OTOF: variants seen among roughly 807,000 people sequenced by gnomAD.
OTOF encodes otoferlin, also known as fer-1-like family member 2.
Under a neutral mutation model 236.8 loss-of-function variants are expected in OTOF, and 218 were observed. The ratio of observed to expected loss-of-function variants is 0.92; its 90% CI spans 0.82 to 1.03. The LOEUF (loss-of-function observed/expected upper bound fraction) is 1.03, where lower values mean the gene tolerates loss of function less well. Among genes scored for constraint, OTOF ranks in the 50% least tolerant of loss-of-function variants. The probability of loss-of-function intolerance (pLI) is 0.00; values close to 1 mark genes in which losing one functional copy is unlikely to be tolerated. For synonymous variants in OTOF, 1,041 were observed against 1,072.5 expected (o/e 0.97, Z 0.57); for missense variants, 2,590 against 2,694.4 (o/e 0.96, Z 0.86).
chr2:26,540,044 G>T (rs895866975), intron 1 of OTOF, among the ~76,000 whole-genome samples: 2 of 151,976 alleles, frequency 1.3e-5, no homozygotes, highest in Non-Finnish European at 2.9e-5. Context: ...AATGATTCTC[G>T]TGCCTCAGCC....
At chr2:26,472,358 G>A (rs1196051469) in intron 30 of OTOF, 161 bp downstream of exon 30, 1 of 838,460 alleles carries the variant, frequency 1.2e-6, no homozygotes, top group East Asian at 2.5e-5. Flanking sequence ...GTATTAGGAG[G>A]GAGCTGTTTG....
At position 26,460,679 on chromosome 2, in the gene OTOF, G is replaced by A. The variant is rs1664418806; in HGVS notation, c.5781C>T (p.Ala1927=). Residue 1927 remains alanine, a synonymous_variant, in exon 45 of 47, where the codon GCC becomes GCT. Transcript: ENST00000272371. The surrounding 1 kb of genome is among the most constrained non-coding windows in gnomAD (Gnocchi z 5.3). ...TCTCTAGGGGGTCAGGTTCATTGCG[G>A]GCCAGGCCCACTGGGTTCTTCTCTG... ...EEAEKNPVGL[A]RNEPDPLEKP... 2 of 1,614,120 alleles carry A rather than the reference G, an allele frequency of 1.2e-6. No homozygotes were observed. Among genetic ancestry groups the A allele is most frequent in the Non-Finnish European group, 1.7e-6 (2 of 1,179,984 alleles).
rs1406184386 is a variant in OTOF at position 26,480,833 on chromosome 2, T to A, written c.1756A>T (p.Thr586Ser). 22 of 1,612,544 alleles carry A rather than the reference T, an allele frequency of 1.4e-5. No homozygotes were observed. Among genetic ancestry groups the A allele is most frequent in the African/African-American group, 2.7e-5 (2 of 74,796 alleles). ...EIVDTSNPEL[T>S]SSTEVQVEQA... ...TCCACCTGCACCTCTGTGGAGCTGGTGAGCTCAGGGTTGGAGGTGTCTACG... is the reference window on the plus strand; with the variant it reads ...TCCACCTGCACCTCTGTGGAGCTGGAGAGCTCAGGGTTGGAGGTGTCTACG... Residue 586 changes from threonine (T) to serine (S), a missense_variant, in exon 15 of 47, where the codon ACC (threonine) becomes TCC (serine). By Grantham distance (58) the Thr-to-Ser change is moderately conservative (BLOSUM62 1). This residue lies in a region of OTOF where 1,379 missense variants were observed against 1,341.6 expected (regional missense o/e 1.03). Coordinates refer to ENST00000272371, the MANE Select transcript of OTOF (RefSeq NM_194248.3).
chr2:26,557,195 A>G (rs557513498), intron 1 of OTOF, among the ~76,000 whole-genome samples: 1 of 152,242 alleles, frequency 6.6e-6, no homozygotes, highest in South Asian at 2.1e-4. Context: ...TGTTCTGCCA[A>G]TGGTCTCTCC....
chr2:26,553,874 T>C (rs1667522633), intron 1 of OTOF, among the ~76,000 whole-genome samples: 1 of 152,120 alleles, frequency 6.6e-6, no homozygotes, highest in African/African-American at 2.4e-5. Context: ...CTGAACTTGC[T>C]AATATTTGTT....
chr2:26,529,802 G>A (rs1005415202), intron 2 of OTOF, among the ~76,000 whole-genome samples: 2 of 139,756 alleles, frequency 1.4e-5, no homozygotes, highest in Non-Finnish European at 3.3e-5. Flanking sequence ...TCTGCGGGGT[G>A]GGGTGGGGAG....
Position 26,468,435 on chromosome 2 carries a change from C to T in OTOF, c.4063G>A (p.Glu1355Lys), listed in dbSNP as rs183309645. ...QQEPSGIDLE[E>K]KEEVDNTEGL... ...TCGGTATTGTCCACTTCCTCCTTCT[C>T]CTCCAAGTCAATTCCAGAGGGCTCT... The change falls in exon 33 of 47, where the codon GAG (glutamate) becomes AAG (lysine). Residue 1355 changes from glutamate to lysine, a missense_variant. Coordinates refer to ENST00000272371, the MANE Select transcript of OTOF (RefSeq NM_194248.3). 21 of 1,614,068 alleles carry T rather than the reference C, an allele frequency of 1.3e-5. No homozygotes were observed. The East Asian group carries it at 3.3e-4, about 26-fold the overall frequency.
intron 9 of OTOF, among the ~76,000 whole-genome samples, chr2:26,494,663 G>GGT (rs1553356387): frequency 7.0e-6 from 1 of 142,438 alleles, no homozygotes; most frequent in Non-Finnish European, 1.5e-5. Context: ...GGGTGGGGGG[G>GGT]GGTTCTTTCA....
At chr2:26,529,200 G>A (rs577855303) in intron 2 of OTOF, among the ~76,000 whole-genome samples, 12 of 152,310 alleles carry the variant, frequency 7.9e-5, no homozygotes, top group Admixed American at 7.8e-4. Flanking sequence ...TTCTGGACAG[G>A]ACCAGACAAC....
rs534499580 is a variant in OTOF at position 26,480,520 on chromosome 2, G to A, written c.1804-209C>T. ...GGCTGCAGACACCACAGGGACAGCC[G>A]TGGCTGGGAAGAGGGGCAGAGGGGA... On this transcript the variant is annotated intron_variant, in intron 15 of 46. Coordinates refer to ENST00000272371, the MANE Select transcript of OTOF (RefSeq NM_194248.3). Among the ~76,000 whole-genome samples, 33 of 152,374 alleles carry A rather than the reference G, an allele frequency of 2.2e-4. No homozygotes were observed. In the East Asian group the frequency reaches 5.2e-3, roughly 24 times the overall value.
rs780662828 is a variant in OTOF, at chr2:26,482,440, A to G, written c.1545T>C (p.Ile515=). ...VNDVAIGTHF[I]DLRKISNDGD... ...CGTCATTAGAAATCTTGCGCAGGTC[A>G]ATGAAGTGGGTGCCGATGGCCACGT... The change falls in exon 14 of 47, where the codon ATT becomes ATC. Residue 515 remains isoleucine (I), a synonymous_variant. Coordinates refer to ENST00000272371, the MANE Select transcript of OTOF (RefSeq NM_194248.3). The G allele has an allele frequency of 6.2e-7, 1 of 1,613,366 alleles. No homozygotes were observed. The highest frequency in any genetic ancestry group is 1.1e-5 in the South Asian group (1 of 91,092).
intron 5 of OTOF, among the ~76,000 whole-genome samples, chr2:26,515,068 C>T (rs773589175): frequency 6.6e-6 from 1 of 152,264 alleles, no homozygotes; most frequent in African/African-American, 2.4e-5. Context: ...ATGGGCAGCG[C>T]TCAGCACCTC....
Position 26,482,389 on chromosome 2 carries a change from G to A in OTOF, c.1579+17C>T. 2 of 1,612,100 alleles carry A rather than the reference G, an allele frequency of 1.2e-6. No homozygotes were observed. The highest frequency in any genetic ancestry group is 1.7e-6 in the Non-Finnish European group (2 of 1,179,392). On this transcript the variant is annotated intron_variant, in intron 14 of 46. Transcript: ENST00000272371. The stretch of plus-strand genomic sequence containing the variant: ...ACTCCCTCTGCCCCCCAGCACACCG[G>A]GTCTCCCGCTGCTGACCTTTGTCTC...
intron 12 of OTOF, among the ~76,000 whole-genome samples, chr2:26,484,099 C>G (rs930154579): frequency 2.6e-5 from 4 of 152,222 alleles, no homozygotes; most frequent in Admixed American, 1.3e-4. Flanking sequence ...TGACTCCAGA[C>G]AAGGTCACAG....
intron 6 of OTOF, among the ~76,000 whole-genome samples, chr2:26,503,052 G>A (rs533976605): frequency 1.3e-5 from 2 of 152,258 alleles, no homozygotes; most frequent in South Asian, 4.1e-4. Context: ...AAGGTGAAGG[G>A]CACGGCTGGA....
chr2:26,491,000 C>A (rs1455886683), intron 9 of OTOF, among the ~76,000 whole-genome samples: 1 of 152,098 alleles, frequency 6.6e-6, no homozygotes, highest in Non-Finnish European at 1.5e-5. Context: ...AAGATGGTAA[C>A]TGACACCTTG....
At chr2:26,490,854 C>T (rs1220257042) in intron 9 of OTOF, among the ~76,000 whole-genome samples, 1 of 152,136 alleles carries the variant, frequency 6.6e-6, no homozygotes, top group African/African-American at 2.4e-5. Flanking sequence ...AAGTCTTTAA[C>T]ACAGGTGTGC....
chr2:26,494,791 C>T, intron 9 of OTOF, 151 bp downstream of exon 9: 1 of 841,208 alleles, frequency 1.2e-6, no homozygotes, highest in Non-Finnish European at 2.0e-6. Context: ...CTCTGTTTGT[C>T]AGTGTCCTGG....
intron 1 of OTOF, among the ~76,000 whole-genome samples, chr2:26,547,674 A>G (rs1667365775): frequency 6.6e-6 from 1 of 151,944 alleles, no homozygotes; most frequent in Non-Finnish European, 1.5e-5. Flanking sequence ...TGTCTCTACT[A>G]AAAATACAAA....
Sources: gnomAD v4.1 joint callset for allele counts (sites outside exome capture counted in the v4.1 genomes callset) on GRCh38, gnomAD v4.1.1 for gene constraint, gnomAD v4.1.1 regional missense constraint, Gnocchi (gnomAD v3.1) non-coding constraint, MANE v1.5 for transcripts, NCBI Gene and HGNC (gene_info 2026-07-23, HGNC 2026-07-21) for gene names.